Variants in DPYD observed in about 807,000 individuals in gnomAD.
DPYD encodes the protein dihydropyrimidine dehydrogenase, also known as dihydropyrimidine dehydrogenase [NADP(+)].
Under a neutral mutation model 116.2 loss-of-function variants are expected in DPYD, and 109 were observed. That is an observed-to-expected ratio of 0.94 (90% CI 0.80 to 1.10). The LOEUF is 1.10. Ranked by LOEUF, DPYD falls within the 50% of genes least tolerant of loss-of-function variation. DPYD has a pLI of 0.00. For missense variants in DPYD, 1,302 were observed against 1,254.5 expected, an observed-to-expected ratio of 1.04 and a Z score of -0.57; for synonymous variants, 440 against 432.0, an observed-to-expected ratio of 1.02 and a Z score of -0.23.
At chr1:97,323,791 G>C (rs548841325) in intron 16 of DPYD, among the ~76,000 whole-genome samples, 15 of 150,094 alleles carry the variant, frequency 1.0e-4, no homozygotes, top group East Asian at 9.9e-4. Context: ...TACAAATAGC[G>C]TTCTTTATAT....
chr1:97,207,470 T>C (rs949994613), intron 19 of DPYD, among the ~76,000 whole-genome samples: 23 of 152,192 alleles, frequency 1.5e-4, no homozygotes, highest in Non-Finnish European at 1.5e-5. Context: ...AGCCTGTGTA[T>C]AGATTTTTGC....
At chr1:97,559,644 T>A (rs1651998354) in intron 11 of DPYD, among the ~76,000 whole-genome samples, 1 of 151,170 alleles carries the variant, frequency 6.6e-6, no homozygotes, top group Non-Finnish European at 1.5e-5. Context: ...TCTTACGGCT[T>A]TTTTTTTTCC....
chr1:97,595,253 T>C, intron 8 of DPYD, 87 bp from the exon 9 acceptor site: 1 of 1,000,430 alleles, frequency 1.0e-6, no homozygotes, highest in South Asian at 1.4e-5. Flanking sequence ...ACTTTAATCT[T>C]TGAAATAATG....
At chr1:97,876,205 G>A (rs1404309646) in intron 2 of DPYD, among the ~76,000 whole-genome samples, 1 of 152,008 alleles carries the variant, frequency 6.6e-6, no homozygotes. Flanking sequence ...CCCACAGAGT[G>A]AGCCAGCAAG....
At chr1:97,145,132 A>G (rs1425394742) in intron 20 of DPYD, among the ~76,000 whole-genome samples, 1 of 152,098 alleles carries the variant, frequency 6.6e-6, no homozygotes, top group Non-Finnish European at 1.5e-5. Context: ...GAAAACCTAA[A>G]TTTATCTCTA....
At chr1:97,383,845 C>T (rs887816287) in intron 14 of DPYD, among the ~76,000 whole-genome samples, 16 of 152,246 alleles carry the variant, frequency 1.1e-4, no homozygotes, top group Middle Eastern at 3.4e-3. Flanking sequence ...CAGTAGCTCA[C>T]GCCTGTAATC....
chr1:97,729,051 CAATAT>C (rs1663434369), intron 4 of DPYD, among the ~76,000 whole-genome samples: 1 of 152,026 alleles, frequency 6.6e-6, no homozygotes, highest in African/African-American at 2.4e-5. Flanking sequence ...CAGCTTTATA[CAATAT>C]GATTCATTTT....
intron 13 of DPYD, among the ~76,000 whole-genome samples, chr1:97,513,181 T>A (rs991424941): frequency 4.0e-5 from 6 of 150,530 alleles, no homozygotes; most frequent in African/African-American, 1.5e-4. Context: ...GAGTATAAAA[T>A]ATATATATAT....
chr1:97,649,663 T>C (rs981975605), intron 8 of DPYD, among the ~76,000 whole-genome samples: 8 of 152,162 alleles, frequency 5.3e-5, no homozygotes, highest in Admixed American at 3.3e-4. Context: ...AACTGTGTTA[T>C]TGTCAGAAGA....
chr1:97,854,875 G>T (rs1670741272), intron 2 of DPYD, among the ~76,000 whole-genome samples: 1 of 152,124 alleles, frequency 6.6e-6, no homozygotes, highest in African/African-American at 2.4e-5. Flanking sequence ...AAGAGAAGGA[G>T]GAGCACTGGC....
At chr1:97,388,487 T>C (rs1433122920) in intron 14 of DPYD, among the ~76,000 whole-genome samples, 1 of 152,044 alleles carries the variant, frequency 6.6e-6, no homozygotes, top group African/African-American at 2.4e-5. Context: ...CAAGAGAGTG[T>C]GATGTCGTGC....
In DPYD at chr1:97,392,192, G is replaced by A. The variant is rs1021041810; in HGVS notation, c.1906-9731C>T. On this transcript the variant is annotated intron_variant, in intron 14 of 22. Transcript: ENST00000370192. ...TAAAGCAAGTCACACAAATATTTTG[G>A]TTTCCCAGTGCATAAAAGTTATGTT... Among the ~76,000 whole-genome samples the A allele has an allele frequency of 1.2e-4, 18 of 151,948 alleles. 1 individual carries two copies. Among genetic ancestry groups the A allele is most frequent in the Non-Finnish European group, 1.5e-5 (1 of 67,940 alleles).
intron 13 of DPYD, among the ~76,000 whole-genome samples, chr1:97,482,563 T>C (rs1325691120): frequency 6.6e-6 from 1 of 152,216 alleles, no homozygotes; most frequent in Non-Finnish European, 1.5e-5. Context: ...AGAACTTGTT[T>C]GGATAAAATG....
chr1:97,575,651 C>T (rs1039404364), intron 10 of DPYD, among the ~76,000 whole-genome samples: 2 of 152,104 alleles, frequency 1.3e-5, no homozygotes, highest in African/African-American at 4.8e-5. Flanking sequence ...GGATGTTATG[C>T]TGGTAAACAT....
intron 16 of DPYD, among the ~76,000 whole-genome samples, chr1:97,313,411 C>A (rs981128496): frequency 1.3e-5 from 2 of 151,642 alleles, no homozygotes; most frequent in Non-Finnish European, 1.5e-5. Context: ...ACTTTACAAT[C>A]TAGGGGAGAC....
At chr1:97,471,314 A>G (rs61789177) in intron 13 of DPYD, among the ~76,000 whole-genome samples, 25,061 of 152,054 alleles carry the variant, frequency 0.16, 2,147 homozygotes, top group Non-Finnish European at 0.18. Flanking sequence ...AAAAACCCGA[A>G]AAACAAAAAC....
chr1:97,233,679 T>C (rs1345088870), intron 19 of DPYD, among the ~76,000 whole-genome samples: 3 of 152,096 alleles, frequency 2.0e-5, no homozygotes, highest in African/African-American at 4.8e-5. Flanking sequence ...GCTGTTGAGC[T>C]TCTTTGGCTC....
At chr1:97,489,666 C>A (rs1171934191) in intron 13 of DPYD, among the ~76,000 whole-genome samples, 3 of 152,120 alleles carry the variant, frequency 2.0e-5, no homozygotes, top group Non-Finnish European at 4.4e-5. Flanking sequence ...ACTTACTATG[C>A]CCTGAGTACT....
At chr1:97,619,464 G>A (rs1656501769) in intron 8 of DPYD, among the ~76,000 whole-genome samples, 2 of 152,068 alleles carry the variant, frequency 1.3e-5, no homozygotes, top group South Asian at 2.1e-4. Flanking sequence ...TTAAGCATAC[G>A]TTTGTACTTA....
Sources: allele counts gnomAD v4.1 joint callset (sites outside exome capture counted in the v4.1 genomes callset), GRCh38; gene constraint gnomAD v4.1.1; transcripts MANE v1.5; gene names NCBI Gene and HGNC (gene_info 2026-07-23, HGNC 2026-07-21).